EYS: variants seen among roughly 807,000 people sequenced by gnomAD.
The protein encoded by EYS is protein eyes shut homolog.
In EYS, 250 loss-of-function variants were observed where a neutral mutation model predicts 282.1. The observed-to-expected ratio is 0.89, with a 90% CI of 0.80 to 0.98. The LOEUF is 0.98. EYS is among the 50% of genes least tolerant of loss of function. The pLI, the probability that EYS is intolerant of heterozygous loss-of-function variation, is 0.00. For synonymous variants in EYS, 1,355 were observed against 1,282.9 expected (o/e 1.06, Z -1.20); for missense variants, 4,016 against 3,709.0 (o/e 1.08, Z -2.15).
At chr6:65,032,691 A>G (rs1012621312) in intron 13 of EYS, among the ~76,000 whole-genome samples, 20 of 151,720 alleles carry the variant, frequency 1.3e-4, no homozygotes, top group African/African-American at 4.4e-4. Context: ...TTTTTTTTAA[A>G]TAAATTACCC....
At chr6:64,755,975 C>T (rs898159189) in intron 22 of EYS, among the ~76,000 whole-genome samples, 1 of 152,118 alleles carries the variant, frequency 6.6e-6, no homozygotes, top group African/African-American at 2.4e-5. Flanking sequence ...TATAAAAGTA[C>T]ATTCAAACCC....
chr6:65,122,563 A>G (rs1470096200), intron 12 of EYS, among the ~76,000 whole-genome samples: 1 of 152,144 alleles, frequency 6.6e-6, no homozygotes, highest in Non-Finnish European at 1.5e-5. Context: ...TAGGAAAAAA[A>G]AGTGTGGTCC....
chr6:64,083,773 C>T (rs1487738641), intron 31 of EYS, among the ~76,000 whole-genome samples: 5 of 152,154 alleles, frequency 3.3e-5, no homozygotes, highest in African/African-American at 7.2e-5. Flanking sequence ...AGTCTTGCTT[C>T]GTTGCCCAGG....
intron 35 of EYS, among the ~76,000 whole-genome samples, chr6:63,908,012 G>GTATATATATATATA (rs57451331): frequency 2.3e-5 from 3 of 131,152 alleles, no homozygotes; most frequent in Admixed American, 2.2e-4. Context: ...ACACACAAAC[G>GTATATATATATATA]TATATATATA....
chr6:65,626,637 G>A (rs1159167274), intron 2 of EYS, among the ~76,000 whole-genome samples: 1 of 152,098 alleles, frequency 6.6e-6, no homozygotes, highest in Non-Finnish European at 1.5e-5. Flanking sequence ...CCTAAAACAA[G>A]CCATGGACCC....
At chr6:64,222,492 C>G (rs1300959977) in intron 31 of EYS, among the ~76,000 whole-genome samples, 1 of 151,980 alleles carries the variant, frequency 6.6e-6, no homozygotes, top group African/African-American at 2.4e-5. Flanking sequence ...GTTTTCATAT[C>G]ATCCAAATTT....
chr6:65,645,069 T>C (rs1161076483), intron 1 of EYS, among the ~76,000 whole-genome samples: 1 of 151,500 alleles, frequency 6.6e-6, no homozygotes, highest in East Asian at 2.0e-4. Context: ...AGTACTAATG[T>C]TGAAAATGAA....
At chr6:64,801,119 A>T (rs1434649634) in intron 22 of EYS, among the ~76,000 whole-genome samples, 5 of 152,074 alleles carry the variant, frequency 3.3e-5, no homozygotes, top group Admixed American at 3.3e-4. Context: ...AAAGGGCATC[A>T]CTTCCAGAAA....
At position 64,626,129 on chromosome 6, in the gene EYS, C is replaced by T. The variant is rs765404679; in HGVS notation, c.3560G>A (p.Cys1187Tyr). ...EDHINGYVCKCQPGWSGHHCE... is the reference protein window; with the variant it reads ...EDHINGYVCKYQPGWSGHHCE... ...ATTTTTAAAATAATTACCTGGTTGG[C>T]ATTTGCAAACATATCCATTGATGTG... The change falls in exon 23 of 43, where the codon TGC becomes TAC. Residue 1187 changes from cysteine to tyrosine, a missense_variant. Cys to Tyr is a radical substitution (Grantham distance 194). Transcript: ENST00000503581. 5.9e-6 allele frequency: 9 copies of T among 1,535,720 alleles called. No homozygotes were observed. Among genetic ancestry groups the T allele is most frequent in the Non-Finnish European group, 7.9e-6 (9 of 1,137,816 alleles).
intron 30 of EYS, among the ~76,000 whole-genome samples, chr6:64,247,688 C>G (rs1205873229): frequency 6.6e-6 from 1 of 152,046 alleles, no homozygotes; most frequent in Non-Finnish European, 1.5e-5. Context: ...GAGGGTGACT[C>G]TATACCCGTA....
intron 33 of EYS, among the ~76,000 whole-genome samples, chr6:64,014,890 G>T (rs1193863977): frequency 6.6e-6 from 1 of 151,562 alleles, no homozygotes; most frequent in Non-Finnish European, 1.5e-5. Flanking sequence ...TTTCCTATAG[G>T]GAGAGAAGAA....
intron 12 of EYS, among the ~76,000 whole-genome samples, chr6:65,281,857 T>G (rs909460887): frequency 2.0e-5 from 3 of 152,110 alleles, no homozygotes; most frequent in Admixed American, 2.0e-4. Flanking sequence ...TTACCTATAG[T>G]TTTGTATTTC....
At chr6:64,100,400 A>G (rs1015667086) in intron 31 of EYS, among the ~76,000 whole-genome samples, 6 of 151,804 alleles carry the variant, frequency 4.0e-5, no homozygotes, top group Non-Finnish European at 7.4e-5. Flanking sequence ...TCAATTTCCT[A>G]TGGCATTTTC....
In EYS at chr6:64,737,878, G is replaced by T. The variant is rs1772233763; in HGVS notation, c.3443+75500C>A. Reference sequence around the variant, plus strand: ...TTTGAGCAATACTTGCTTTAACTGTGGAAATAATGCAATGATGTTCTATCA... The same window carrying T: ...TTTGAGCAATACTTGCTTTAACTGTTGAAATAATGCAATGATGTTCTATCA... On this transcript the variant is annotated intron_variant, in intron 22 of 42. Coordinates refer to ENST00000503581, the MANE Select transcript of EYS (RefSeq NM_001142800.2). Among the ~76,000 whole-genome samples, 3 of 152,178 alleles carry T rather than the reference G, an allele frequency of 2.0e-5. No homozygotes were observed. In the South Asian group the frequency reaches 6.2e-4, roughly 32 times the overall value.
chr6:64,480,012 A>C (rs1403879991), intron 26 of EYS, among the ~76,000 whole-genome samples: 1 of 151,902 alleles, frequency 6.6e-6, no homozygotes, highest in African/African-American at 2.4e-5. Context: ...AATCAGTCTC[A>C]TGAGTCCGTT....
At chr6:64,962,440 G>A (rs1409955035) in intron 14 of EYS, among the ~76,000 whole-genome samples, 1 of 151,824 alleles carries the variant, frequency 6.6e-6, no homozygotes, top group Non-Finnish European at 1.5e-5. Context: ...TACAAAAACA[G>A]AACAAGTAGG....
chr6:65,298,590 G>A (rs1035247917), intron 11 of EYS, among the ~76,000 whole-genome samples: 1 of 151,776 alleles, frequency 6.6e-6, no homozygotes, highest in African/African-American at 2.4e-5. Context: ...TGTGGTTAGA[G>A]CAACAACCTA....
chr6:64,534,497 A>C (rs1764457533), intron 26 of EYS, among the ~76,000 whole-genome samples: 1 of 152,146 alleles, frequency 6.6e-6, no homozygotes, highest in Admixed American at 6.5e-5. Context: ...AAGCCAAAGT[A>C]AGCCAAAAAT....
intron 36 of EYS, among the ~76,000 whole-genome samples, chr6:63,826,278 G>A (rs539161991): frequency 5.3e-5 from 8 of 152,292 alleles, no homozygotes; most frequent in African/African-American, 1.7e-4. Context: ...CATTGTTCCT[G>A]AGGAATAAAA....
Sources: allele counts gnomAD v4.1 joint callset (sites outside exome capture counted in the v4.1 genomes callset), GRCh38; gene constraint gnomAD v4.1.1; transcripts MANE v1.5; gene names NCBI Gene and HGNC (gene_info 2026-07-23, HGNC 2026-07-21).